Variants in CENPU observed in about 807,000 individuals in gnomAD.
CENPU encodes the protein KSHV latent nuclear antigen interacting protein 1.
Under a neutral mutation model 56.7 loss-of-function variants are expected in CENPU, and 46 were observed. That is an observed-to-expected ratio of 0.81 (90% CI 0.64 to 1.04). CENPU has a LOEUF of 1.04. Among genes scored for constraint, CENPU ranks in the 50% least tolerant of loss-of-function variants. The probability of loss-of-function intolerance (pLI) is 0.00; values close to 1 mark genes in which losing one functional copy is unlikely to be tolerated. For missense variants in CENPU, 510 were observed against 490.1 expected, an observed-to-expected ratio of 1.04 and a Z score of -0.38; for synonymous variants, 166 against 163.0, an observed-to-expected ratio of 1.02 and a Z score of -0.14.
At chr4:184,720,239 T>C in intron 4 of CENPU, among the ~76,000 whole-genome samples, 1 of 152,026 alleles carries the variant, frequency 6.6e-6, no homozygotes, top group South Asian at 2.1e-4. Flanking sequence ...GTAACGGACA[T>C]ACTAAAGAAT....
chr4:184,732,077 C>A (rs1761668198), intron 1 of CENPU, among the ~76,000 whole-genome samples: 1 of 152,074 alleles, frequency 6.6e-6, no homozygotes, highest in East Asian at 1.9e-4. Flanking sequence ...CCTATAATGT[C>A]TTTTAAGATT....
At chr4:184,707,688 G>A (rs1003529839) in intron 8 of CENPU, among the ~76,000 whole-genome samples, 4 of 152,272 alleles carry the variant, frequency 2.6e-5, no homozygotes, top group Non-Finnish European at 1.5e-5. Context: ...CTGGGGTTTG[G>A]CCTTCTTCTA....
chr4:184,710,243 T>G, intron 7 of CENPU, 63 bp from the exon 8 acceptor site: 1 of 1,046,948 alleles, frequency 9.6e-7, no homozygotes, highest in Non-Finnish European at 1.4e-6. Flanking sequence ...TCCAGGGTTC[T>G]GAAAGCCTGA....
chr4:184,721,876 T>A (rs1444978986), intron 4 of CENPU, among the ~76,000 whole-genome samples: 2 of 152,308 alleles, frequency 1.3e-5, no homozygotes, highest in East Asian at 1.9e-4. Flanking sequence ...GCAGACTTAA[T>A]CTGCACTGTA....
At chr4:184,711,978 G>A (rs984826750) in intron 7 of CENPU, among the ~76,000 whole-genome samples, 6 of 151,906 alleles carry the variant, frequency 3.9e-5, no homozygotes, top group East Asian at 3.9e-4. Flanking sequence ...AAAATTAGCC[G>A]GGCATGGTGG....
intron 10 of CENPU, among the ~76,000 whole-genome samples, 163 bp downstream of exon 10, chr4:184,701,923 TTAA>T (rs1383461649): frequency 6.6e-6 from 1 of 152,186 alleles, no homozygotes; most frequent in Non-Finnish European, 1.5e-5. Flanking sequence ...TTACCTTGCA[TTAA>T]TAATACCAAC....
intron 4 of CENPU, among the ~76,000 whole-genome samples, chr4:184,717,406 G>A (rs111722106): frequency 6.6e-6 from 1 of 152,190 alleles, no homozygotes; most frequent in African/African-American, 2.4e-5. Context: ...AGGCAAGCAA[G>A]TAACCTGTTC....
At chr4:184,697,166 G>A (rs1443299217) in intron 12 of CENPU, among the ~76,000 whole-genome samples, 1 of 152,122 alleles carries the variant, frequency 6.6e-6, no homozygotes, top group Non-Finnish European at 1.5e-5. Flanking sequence ...ACAGGTGAGA[G>A]CTATCACACC....
At position 184,702,866 on chromosome 4, in the gene CENPU, C is replaced by T. The variant is rs76155218; in HGVS notation, c.798-425G>A. ...GCAATAATTCACTTGGGATAATGAC[C>T]TCCAGCTGCATCCATATTGCTGCAA... On this transcript the variant is annotated intron_variant, in intron 8 of 12. Transcript: ENST00000281453. Among the ~76,000 whole-genome samples the T allele has an allele frequency of 7.3e-3, 1,104 of 152,252 alleles. 15 individuals carry two copies. The highest frequency in any genetic ancestry group is 0.025 in the African/African-American group (1,047 of 41,520).
intron 4 of CENPU, among the ~76,000 whole-genome samples, chr4:184,719,815 G>C (rs111423571): frequency 4.6e-5 from 7 of 152,332 alleles, no homozygotes; most frequent in African/African-American, 1.4e-4. Context: ...AGCCACAGTA[G>C]CATAGGGCAC....
Position 184,729,000 on chromosome 4 carries a change from G to A in CENPU, c.132C>T (p.Phe44=), listed in dbSNP as rs6818447. Residue 44 remains phenylalanine (F), a synonymous_variant, in exon 3 of 13, where the codon TTC becomes TTT. Coordinates refer to ENST00000281453, the MANE Select transcript of CENPU (RefSeq NM_024629.4). ...AGACATCAGAATTATCAGGAAAGTC[G>A]AACACGTCAATAGGCTTGCACTTTT... is the stretch of plus-strand genomic sequence containing the variant. ...AGQKCKPIDV[F]DFPDNSDVSS... The A allele has an allele frequency of 0.15, 246,707 of 1,612,662 alleles. 20,255 individuals are homozygous for A. Among genetic ancestry groups the A allele is most frequent in the African/African-American group, 0.27 (19,970 of 74,848 alleles).
intron 9 of CENPU, 97 bp from the exon 10 acceptor site, chr4:184,702,233 G>A: frequency 3.2e-6 from 4 of 1,241,168 alleles, no homozygotes; most frequent in South Asian, 1.2e-5. Flanking sequence ...CAGTTATGTG[G>A]AATATGAATA....
In CENPU at chr4:184,695,158, A is replaced by G; in HGVS notation, c.*130T>C. 1.5e-6 allele frequency: 1 copy of G among 656,584 alleles called. No homozygotes were observed. Among genetic ancestry groups the G allele is most frequent in the Non-Finnish European group, 2.7e-6 (1 of 372,782 alleles). 40.7% of individuals were successfully genotyped at this position (656,584 alleles called of 1,614,324 possible). A position where few individuals can be genotyped will look rare whatever the true frequency, so the allele number is the denominator to read the frequency against. ...ACATTGTTCACAGCCATTTAATTTG[A>G]ATAACAAATTTTAGATTCTAAGTAG... On this transcript the variant is annotated 3_prime_UTR_variant, in exon 13 of 13. Transcript: ENST00000281453.
intron 1 of CENPU, 27 bp downstream of exon 1, chr4:184,733,989 G>A (rs1262486556): frequency 6.2e-7 from 1 of 1,610,702 alleles, no homozygotes; most frequent in Non-Finnish European, 8.5e-7. Flanking sequence ...CTCCGGCCCC[G>A]CGCTCCCGAG....
chr4:184,702,141 A>C lies in CENPU; in HGVS notation c.877-5T>G. 1 of 1,601,936 alleles carries C rather than the reference A, an allele frequency of 6.2e-7. No homozygotes were observed. The highest frequency in any genetic ancestry group is 1.1e-5 in the South Asian group (1 of 90,432). ...CAACATCTGGCTTTCTTTAAGCTAC[A>C]CAAAACAAAAAATACACATGTACAT... On this transcript the variant is annotated splice_region_variant and splice_polypyrimidine_tract_variant and intron_variant, in intron 9 of 12. Transcript: ENST00000281453.
At chr4:184,729,353 A>T (rs1263260647) in intron 2 of CENPU, among the ~76,000 whole-genome samples, 1 of 152,264 alleles carries the variant, frequency 6.6e-6, no homozygotes, top group East Asian at 1.9e-4. Context: ...TCTATAAAGG[A>T]CAAGAAAGTA....
chr4:184,715,852 T>C (rs1459968302), intron 6 of CENPU, among the ~76,000 whole-genome samples: 4 of 152,052 alleles, frequency 2.6e-5, no homozygotes, highest in East Asian at 1.9e-4. Flanking sequence ...CTGAACAGCA[T>C]AGACCAAAAA....
chr4:184,729,079 GAAC>G, intron 2 of CENPU, 44 bp from the exon 3 acceptor site: 2 of 1,394,594 alleles, frequency 1.4e-6, no homozygotes, highest in South Asian at 1.2e-5. Context: ...CTCTCACAAA[GAAC>G]AATAGGTTGA....
At chr4:184,715,937 G>GTTT (rs5864897) in intron 6 of CENPU, among the ~76,000 whole-genome samples, 4 of 135,780 alleles carry the variant, frequency 2.9e-5, no homozygotes, top group East Asian at 2.0e-4. Context: ...CTTTTTTTTT[G>GTTT]TTTTTTTTTT....
Sources: gnomAD v4.1 joint callset for allele counts (sites outside exome capture counted in the v4.1 genomes callset) on GRCh38, gnomAD v4.1.1 for gene constraint, MANE v1.5 for transcripts, NCBI Gene and HGNC (gene_info 2026-07-23, HGNC 2026-07-21) for gene names.